The following JOSD1 variants were observed in gnomAD, a reference collection of about 807,000 sequenced individuals.
The protein encoded by JOSD1 is Josephin domain containing 1.
Under a neutral mutation model 24.3 loss-of-function variants are expected in JOSD1, and 11 were observed. That is an observed-to-expected ratio of 0.45 (90% CI 0.29 to 0.75). JOSD1 has a LOEUF of 0.75. Among genes scored for constraint, JOSD1 ranks in the 30% least tolerant of loss-of-function variants. The pLI, the probability that JOSD1 is intolerant of heterozygous loss-of-function variation, is 0.11. For synonymous variants in JOSD1, 106 were observed against 93.8 expected (o/e 1.13, Z -0.75); for missense variants, 184 against 253.5 (o/e 0.73, Z 1.86).
At chr22:38,691,896 G>C (rs975705261) in intron 2 of JOSD1, among the ~76,000 whole-genome samples, 1 of 152,208 alleles carries the variant, frequency 6.6e-6, no homozygotes, top group Admixed American at 6.5e-5. Flanking sequence ...GACAGCAGGG[G>C]CCTTGACTAT....
intron 4 of JOSD1, among the ~76,000 whole-genome samples, chr22:38,688,543 G>A (rs6001196): frequency 0.026 from 3,948 of 152,264 alleles, 166 homozygotes; most frequent in African/African-American, 0.09. Flanking sequence ...GATTACAGGC[G>A]TGAGCAATCG....
chr22:38,700,279 T>C lies in JOSD1; in HGVS notation c.-292A>G. ...TAAAATGTAAGACCTTGTTTCCGTT[T>C]CCCCACCCTTCCCTCCCACCCCCCT... On this transcript the variant is annotated 5_prime_UTR_variant, in exon 2 of 5. Transcript: ENST00000683374. The C allele has an allele frequency of 9.7e-7, 1 of 1,028,426 alleles. No homozygotes were observed. Among genetic ancestry groups the C allele is most frequent in the South Asian group, 3.7e-5 (1 of 26,862 alleles). The allele number at this position is 1,028,426 out of a possible 1,614,324, so 63.7% of individuals were successfully genotyped here.
chr22:38,695,444 G>GTT (rs536648160), intron 2 of JOSD1, among the ~76,000 whole-genome samples: 1 of 114,774 alleles, frequency 8.7e-6, no homozygotes, highest in African/African-American at 3.1e-5. Context: ...TTTTTGCCTA[G>GTT]TTTTTTTTTT....
rs536392040 is a variant in JOSD1 at position 38,694,552 on chromosome 22, A to G, written c.186-5128T>C. On this transcript the variant is annotated intron_variant, in intron 2 of 4. Coordinates refer to ENST00000683374, the MANE Select transcript of JOSD1 (RefSeq NM_001360236.2). ...CACAGCCAGAGGTTAGAGCCATGAG[A>G]TGTGAAGTGATGTAAAAGTGAAAAG... Among the ~76,000 whole-genome samples the G allele has an allele frequency of 1.3e-4, 20 of 152,148 alleles. No individual in the cohort carries two copies. The South Asian group carries it at 3.5e-3, about 27-fold the overall frequency.
At chr22:38,698,982 C>T (rs556452056) in intron 2 of JOSD1, among the ~76,000 whole-genome samples, 3 of 152,222 alleles carry the variant, frequency 2.0e-5, no homozygotes, top group African/African-American at 4.8e-5. Context: ...GTCTCAAACT[C>T]CTGAACTCAG....
chr22:38,695,068 A>C (rs1402493299), intron 2 of JOSD1, among the ~76,000 whole-genome samples: 2 of 152,110 alleles, frequency 1.3e-5, no homozygotes, highest in Non-Finnish European at 2.9e-5. Flanking sequence ...TTTCCTTATC[A>C]GATCTGAAGA....
Position 38,689,436 on chromosome 22 carries a change from A to G in JOSD1, c.186-12T>C, listed in dbSNP as rs1244120210. 2 of 1,614,066 alleles carry G rather than the reference A, an allele frequency of 1.2e-6. No individual in the cohort carries two copies. The highest frequency in any genetic ancestry group is 1.7e-5 in the Admixed American group (1 of 60,002). Reference sequence around the variant, plus strand: ...TGTTTGGAGACAACCTACCAATGTGAAAAGAGGAGGGCTGAGACTTGCTGG... The same window carrying G: ...TGTTTGGAGACAACCTACCAATGTGGAAAGAGGAGGGCTGAGACTTGCTGG... On this transcript the variant is annotated splice_polypyrimidine_tract_variant and intron_variant, in intron 2 of 4. Coordinates refer to ENST00000683374, the MANE Select transcript of JOSD1 (RefSeq NM_001360236.2).
chr22:38,688,821 A>C (rs1243860686), intron 4 of JOSD1, 114 bp downstream of exon 4: 2 of 976,744 alleles, frequency 2.0e-6, no homozygotes, highest in Non-Finnish European at 3.1e-6. Context: ...CAGGGAGAGA[A>C]TCCAAGGGCA....
At chr22:38,698,835 C>A (rs1391660268) in intron 2 of JOSD1, among the ~76,000 whole-genome samples, 2 of 152,176 alleles carry the variant, frequency 1.3e-5, no homozygotes, top group Non-Finnish European at 2.9e-5. Context: ...TGGCTCACTG[C>A]AACCTCCACT....
chr22:38,700,034 C>T lies in JOSD1; in HGVS notation c.-47G>A. On this transcript the variant is annotated 5_prime_UTR_variant, in exon 2 of 5. Transcript: ENST00000683374. Reference sequence around the variant, plus strand: ...AGATGGCTATAAACACCCCACTCTTCCCTCTAGAGGAAGAATGTAAGCTTC... The same window carrying T: ...AGATGGCTATAAACACCCCACTCTTTCCTCTAGAGGAAGAATGTAAGCTTC... The T allele has an allele frequency of 6.5e-7, 1 of 1,533,106 alleles. No homozygotes were observed. The highest frequency in any genetic ancestry group is 8.7e-7 in the Non-Finnish European group (1 of 1,142,864). 95.0% of individuals were successfully genotyped at this position (1,533,106 alleles called of 1,614,324 possible). A position where few individuals can be genotyped will look rare whatever the true frequency, so the allele number is the denominator to read the frequency against.
intron 2 of JOSD1, among the ~76,000 whole-genome samples, chr22:38,697,303 T>C (rs561914131): frequency 7.2e-5 from 11 of 152,396 alleles, no homozygotes; most frequent in Middle Eastern, 6.8e-3. Context: ...TAAAATACTC[T>C]ACACAGAATT....
Position 38,700,163 on chromosome 22 carries a change from C to A in JOSD1, c.-176G>T. 7.5e-7 allele frequency: 1 copy of A among 1,327,070 alleles called. No homozygotes were observed. The highest frequency in any genetic ancestry group is 2.2e-5 in the South Asian group (1 of 45,728). The allele number at this position is 1,327,070 out of a possible 1,614,324, so 82.2% of individuals were successfully genotyped here. Reference sequence around the variant, plus strand: ...TGGAATCAAAAGGAAAAAAATAAAACCCACCTCTTCTCTCTTCTCAATAGA... The same window carrying A: ...TGGAATCAAAAGGAAAAAAATAAAAACCACCTCTTCTCTCTTCTCAATAGA... On this transcript the variant is annotated 5_prime_UTR_variant, in exon 2 of 5. Coordinates refer to ENST00000683374, the MANE Select transcript of JOSD1 (RefSeq NM_001360236.2).
chr22:38,689,738 G>A (rs1327495829), intron 2 of JOSD1, among the ~76,000 whole-genome samples: 1 of 151,628 alleles, frequency 6.6e-6, no homozygotes, highest in Non-Finnish European at 1.5e-5. Flanking sequence ...GATAGTAACT[G>A]GTGTCACTCC....
At position 38,688,912 on chromosome 22, in the gene JOSD1, T is replaced by C. The variant is rs1569262918; in HGVS notation, c.509+23A>G. The C allele has an allele frequency of 1.9e-6, 3 of 1,599,242 alleles. No individual in the cohort carries two copies. In the African/African-American group the frequency reaches 4.0e-5, roughly 21 times the overall value. Reference sequence around the variant, plus strand: ...TAAGAAATGAAGCAGCCTAGCAACTTAGTCACAAAAGGTGCCGATTACCTG... The same window carrying C: ...TAAGAAATGAAGCAGCCTAGCAACTCAGTCACAAAAGGTGCCGATTACCTG... On this transcript the variant is annotated intron_variant, in intron 4 of 4. Coordinates refer to ENST00000683374, the MANE Select transcript of JOSD1 (RefSeq NM_001360236.2).
chr22:38,688,101 C>G (rs1175846792), intron 4 of JOSD1, 100 bp from the exon 5 acceptor site: 7 of 743,994 alleles, frequency 9.4e-6, no homozygotes, highest in Non-Finnish European at 1.6e-5. Flanking sequence ...CCTCGGCAGT[C>G]CAAAACACAT....
In JOSD1 at chr22:38,699,868, G is replaced by A. The variant is rs189823225; in HGVS notation, c.120C>T (p.Ala40=). The change falls in exon 2 of 5, where the codon GCC becomes GCT. Residue 40 remains alanine (A), a synonymous_variant. Coordinates refer to ENST00000683374, the MANE Select transcript of JOSD1 (RefSeq NM_001360236.2). The stretch of plus-strand genomic sequence containing the variant: ...TGCTGTCCTGGAAGACGTTATTGAG[G>A]GCGTGGAGGGCACAAAGCTCCCTGC... ...KQRRELCALH[A]LNNVFQDSNA... 1.7e-5 allele frequency: 28 copies of A among 1,614,214 alleles called. No individual in the cohort carries two copies. In the African/African-American group the frequency reaches 3.1e-4, roughly 18 times the overall value.
chr22:38,688,710 G>A (rs373259184), intron 4 of JOSD1, among the ~76,000 whole-genome samples: 2 of 152,168 alleles, frequency 1.3e-5, no homozygotes, highest in Admixed American at 6.5e-5. Context: ...AGACTAGAAG[G>A]CTGGTATCCC....
At position 38,687,836 on chromosome 22, in the gene JOSD1, G is replaced by T; in HGVS notation, c.*66C>A. 1 of 1,114,078 alleles carries T rather than the reference G, an allele frequency of 9.0e-7. No individual in the cohort carries two copies. Among genetic ancestry groups the T allele is most frequent in the Non-Finnish European group, 1.4e-6 (1 of 728,190 alleles). 69.0% of individuals were successfully genotyped at this position (1,114,078 alleles called of 1,614,324 possible). ...GGGAAGTGGCAAGGGCAGACCCACTGTAGAGGCCACAGCACGTCACAGAGG... is the reference window on the plus strand; with the variant it reads ...GGGAAGTGGCAAGGGCAGACCCACTTTAGAGGCCACAGCACGTCACAGAGG... On this transcript the variant is annotated 3_prime_UTR_variant, in exon 5 of 5. Coordinates refer to ENST00000683374, the MANE Select transcript of JOSD1 (RefSeq NM_001360236.2).
chr22:38,700,555 ACGGTGGGGCCCG>A lies in JOSD1; in HGVS notation c.-580_-569del. Reference sequence around the variant, plus strand: ...GGGGCAGCCCTCCATCCCCTCGGGTACGGTGGGGCCCGCAGGGCGCGGCTCCCTCGGAAGGCG... The same window carrying A: ...GGGGCAGCCCTCCATCCCCTCGGGTACAGGGCGCGGCTCCCTCGGAAGGCG... On this transcript the variant is annotated 5_prime_UTR_variant, in exon 2 of 5. Transcript: ENST00000683374. The A allele has an allele frequency of 1.0e-6, 1 of 985,658 alleles. No individual in the cohort carries two copies. The highest frequency in any genetic ancestry group is 1.7e-5 in the African/African-American group (1 of 57,352). 61.1% of individuals were successfully genotyped at this position (985,658 alleles called of 1,614,324 possible).
Sources: gnomAD v4.1 joint callset for allele counts (sites outside exome capture counted in the v4.1 genomes callset) on GRCh38, gnomAD v4.1.1 for gene constraint, MANE v1.5 for transcripts, NCBI Gene and HGNC (gene_info 2026-07-23, HGNC 2026-07-21) for gene names.